Variants in SACM1L observed in about 807,000 individuals in gnomAD.
SACM1L encodes phosphatidylinositol-3-phosphatase SAC1.
SACM1L carries 32 observed loss-of-function variants against 89.5 expected under a neutral mutation model. That is an observed-to-expected ratio of 0.36 (90% confidence interval 0.27 to 0.48). The LOEUF is 0.48. Among genes scored for constraint, SACM1L ranks in the 20% least tolerant of loss-of-function variants. SACM1L has a pLI of 0.99. For synonymous variants in SACM1L, 213 were observed against 232.8 expected (o/e 0.92, Z 0.77); for missense variants, 543 against 708.5 (o/e 0.77, Z 2.65).
intron 4 of SACM1L, among the ~76,000 whole-genome samples, chr3:45,708,259 G>A (rs565546800): frequency 5.9e-5 from 9 of 152,152 alleles, no homozygotes; most frequent in South Asian, 2.1e-4. Flanking sequence ...GTTTTTGCTC[G>A]GAGTGTGTAT....
chr3:45,717,633 T>C (rs1034005403), intron 7 of SACM1L, among the ~76,000 whole-genome samples: 1 of 152,186 alleles, frequency 6.6e-6, no homozygotes, highest in Non-Finnish European at 1.5e-5. Context: ...GTGTTACATA[T>C]AGAAAATACC....
intron 14 of SACM1L, among the ~76,000 whole-genome samples, chr3:45,736,170 C>CT (rs1699193402): frequency 6.6e-6 from 1 of 152,038 alleles, no homozygotes; most frequent in South Asian, 2.1e-4. Flanking sequence ...TGTCTAGCCT[C>CT]TTTTTTTTCT....
chr3:45,715,594 T>C (rs547938697), intron 7 of SACM1L, among the ~76,000 whole-genome samples: 1 of 152,166 alleles, frequency 6.6e-6, no homozygotes, highest in Non-Finnish European at 1.5e-5. Context: ...GACAACATGG[T>C]GAAACCCTGT....
Position 45,725,696 on chromosome 3 carries a change from CT to C in SACM1L, c.921+2155del, listed in dbSNP as rs532677048. On this transcript the variant is annotated intron_variant, in intron 11 of 19. Coordinates refer to ENST00000389061, the MANE Select transcript of SACM1L (RefSeq NM_014016.5). ...CAATTTGGATGCCCTTTTTTTTTTT[CT>C]TGCCTAATTGGTGTTGCTAGAACTA... Among the ~76,000 whole-genome samples, 171 of 138,056 alleles carry C rather than the reference CT, an allele frequency of 1.2e-3. 1 individual carries two copies. Among genetic ancestry groups the C allele is most frequent in the Middle Eastern group, 7.5e-3 (2 of 268 alleles). The allele number at this position is 138,056 out of a possible 152,430, so 90.6% of individuals were successfully genotyped here. A position where few individuals can be genotyped will look rare whatever the true frequency, so the allele number is the denominator to read the frequency against.
At chr3:45,719,175 A>T (rs981722420) in intron 7 of SACM1L, among the ~76,000 whole-genome samples, 1 of 151,986 alleles carries the variant, frequency 6.6e-6, no homozygotes, top group African/African-American at 2.4e-5. Context: ...TATGTTTTCC[A>T]TTCAGAGTAG....
intron 7 of SACM1L, among the ~76,000 whole-genome samples, chr3:45,714,331 A>G (rs190235805): frequency 1.3e-5 from 2 of 151,850 alleles, no homozygotes; most frequent in East Asian, 1.9e-4. Context: ...GAAAAGGAAT[A>G]TGTGTACTGT....
intron 8 of SACM1L, among the ~76,000 whole-genome samples, chr3:45,719,928 T>G (rs1050884818): frequency 1.3e-5 from 2 of 152,232 alleles, no homozygotes; most frequent in African/African-American, 4.8e-5. Context: ...TGTATTGCTT[T>G]TAGGTTTTTT....
chr3:45,707,079 T>A lies in SACM1L; in HGVS notation c.333+172T>A, dbSNP rs1025966740. ...CTAGGCATAAAAAATATTTTTTAAA[T>A]CATTTGTTGCTCTTGTTTTTTTTTT... On this transcript the variant is annotated intron_variant, in intron 4 of 19. Transcript: ENST00000389061. The A allele has an allele frequency of 7.1e-5, 37 of 518,604 alleles. 1 individual carries two copies. Among genetic ancestry groups the A allele is most frequent in the Non-Finnish European group, 6.4e-6 (2 of 314,470 alleles). The allele number at this position is 518,604 out of a possible 1,614,324, so 32.1% of individuals were successfully genotyped here.
chr3:45,696,123 A>G (rs965884285), intron 1 of SACM1L, among the ~76,000 whole-genome samples: 5 of 150,244 alleles, frequency 3.3e-5, no homozygotes, highest in Non-Finnish European at 7.4e-5. Flanking sequence ...TTAGCCTCCT[A>G]AGTAGCTGGG....
chr3:45,705,075 TTC>T (rs2125686926), intron 2 of SACM1L, 58 bp from the exon 3 acceptor site: 1 of 1,094,132 alleles, frequency 9.1e-7, no homozygotes, highest in Non-Finnish European at 1.4e-6. Context: ...CGAACTAAAT[TTC>T]TGTTTCTGTT....
intron 13 of SACM1L, chr3:45,734,953 C>T (rs779567263): frequency 3.5e-6 from 1 of 287,516 alleles, no homozygotes; most frequent in Non-Finnish European, 6.4e-6. Flanking sequence ...TTGATTTGCA[C>T]AGCAACCTTT....
intron 14 of SACM1L, chr3:45,737,364 G>A: frequency 3.5e-6 from 2 of 571,646 alleles, no homozygotes; most frequent in African/African-American, 1.9e-5. Flanking sequence ...AGGGAGTGCG[G>A]GGGCTGCAAG....
chr3:45,708,548 T>C (rs577238480), intron 4 of SACM1L, among the ~76,000 whole-genome samples: 6 of 152,150 alleles, frequency 3.9e-5, no homozygotes, highest in Non-Finnish European at 7.4e-5. Flanking sequence ...CTACAGGATA[T>C]GCTTTTTATA....
At chr3:45,730,881 C>T (rs1699037301) in intron 11 of SACM1L, among the ~76,000 whole-genome samples, 1 of 152,120 alleles carries the variant, frequency 6.6e-6, no homozygotes, top group African/African-American at 2.4e-5. Context: ...TTCAGAGATA[C>T]GTGGGACAGA....
chr3:45,736,382 A>G (rs1699197345), intron 14 of SACM1L, among the ~76,000 whole-genome samples: 1 of 152,146 alleles, frequency 6.6e-6, no homozygotes, highest in Non-Finnish European at 1.5e-5. Context: ...TTTAAATCAC[A>G]TTGGCATTTG....
chr3:45,724,527 A>G (rs533443237), intron 11 of SACM1L, among the ~76,000 whole-genome samples: 1 of 152,190 alleles, frequency 6.6e-6, no homozygotes, highest in South Asian at 2.1e-4. Flanking sequence ...GTCATTCTTT[A>G]TGAAGTCTGG....
intron 19 of SACM1L, among the ~76,000 whole-genome samples, chr3:45,740,763 C>CT (rs985098487): frequency 3.9e-5 from 6 of 151,932 alleles, no homozygotes; most frequent in African/African-American, 1.5e-4. Context: ...TCATTATCTG[C>CT]TTTTTTTCAC....
chr3:45,692,333 TTA>T (rs1226758827), intron 1 of SACM1L, among the ~76,000 whole-genome samples: 8 of 145,140 alleles, frequency 5.5e-5, no homozygotes, highest in Admixed American at 1.4e-4. Flanking sequence ...TTTTTTTTTA[TTA>T]TTTTTGTGAG....
intron 11 of SACM1L, among the ~76,000 whole-genome samples, chr3:45,725,428 C>A (rs560379803): frequency 6.6e-6 from 1 of 152,116 alleles, no homozygotes; most frequent in African/African-American, 2.4e-5. Context: ...AGTATTTATG[C>A]CTGAATGGTG....
Sources: gnomAD v4.1 joint callset for allele counts (sites outside exome capture counted in the v4.1 genomes callset) on GRCh38, gnomAD v4.1.1 for gene constraint, MANE v1.5 for transcripts, NCBI Gene and HGNC (gene_info 2026-07-23, HGNC 2026-07-21) for gene names.